Variants in UBAP2 observed in about 807,000 individuals in gnomAD.
UBAP2 encodes ubiquitin-associated protein 2.
UBAP2 carries 75 observed loss-of-function variants against 139.6 expected under a neutral mutation model. The observed-to-expected ratio is 0.54, with a 90% CI of 0.45 to 0.65. The LOEUF (loss-of-function observed/expected upper bound fraction) is 0.65. UBAP2 is among the 30% of genes least tolerant of loss of function. The pLI is 0.00. For synonymous variants in UBAP2, 526 were observed against 526.2 expected (o/e 1.00, Z 0.01); for missense variants, 1,368 against 1,369.6 (o/e 1.00, Z 0.02).
At chr9:33,932,919 C>T (rs904485739) in intron 18 of UBAP2, among the ~76,000 whole-genome samples, 2 of 152,200 alleles carry the variant, frequency 1.3e-5, no homozygotes, top group African/African-American at 4.8e-5. Flanking sequence ...ACACGGTCAT[C>T]CTTGACAATC....
chr9:34,039,149 G>T (rs1826786683), intron 1 of UBAP2, among the ~76,000 whole-genome samples: 1 of 151,740 alleles, frequency 6.6e-6, no homozygotes, highest in Non-Finnish European at 1.5e-5. Flanking sequence ...GGAGGTGGGG[G>T]GCAGCCTCCG....
intron 17 of UBAP2, chr9:33,935,637 A>G (rs1179823552): frequency 6.3e-6 from 4 of 630,244 alleles, no homozygotes; most frequent in Non-Finnish European, 1.1e-5. Context: ...AGAATATGAG[A>G]CCACCACCTC....
At chr9:33,978,345 G>A (rs1820339962) in intron 6 of UBAP2, among the ~76,000 whole-genome samples, 2 of 151,750 alleles carry the variant, frequency 1.3e-5, no homozygotes, top group South Asian at 2.1e-4. Flanking sequence ...GATCACCCTG[G>A]GCAACAGAGC....
chr9:33,978,184 C>T (rs533044513), intron 6 of UBAP2, among the ~76,000 whole-genome samples: 1 of 129,128 alleles, frequency 7.7e-6, no homozygotes, highest in Non-Finnish European at 1.9e-5. Context: ...TTATTAAATG[C>T]TATGTGGAAC....
chr9:33,925,842 G>T (rs991246085), intron 22 of UBAP2, among the ~76,000 whole-genome samples: 1 of 152,238 alleles, frequency 6.6e-6, no homozygotes, highest in African/African-American at 2.4e-5. Context: ...AGCAGAGGTG[G>T]TGTCCAAACT....
At chr9:34,048,143 A>C (rs73482995) in intron 1 of UBAP2, among the ~76,000 whole-genome samples, 1,775 of 152,326 alleles carry the variant, frequency 0.012, 35 homozygotes, top group African/African-American at 0.04. Context: ...CTGAGTTGTA[A>C]TGCACCAATG....
chr9:33,922,404 C>T lies in UBAP2; in HGVS notation c.*100G>A, dbSNP rs1338893613. The stretch of plus-strand genomic sequence containing the variant: ...CCACAGAGGCATGGCTGACACATGT[C>T]GGGAATTCTAGGAAAGGGCACTGGG... On this transcript the variant is annotated 3_prime_UTR_variant, in exon 29 of 29. Coordinates refer to ENST00000379238, the MANE Select transcript of UBAP2 (RefSeq NM_001370062.2). 4.2e-6 allele frequency: 5 copies of T among 1,178,288 alleles called. No individual in the cohort carries two copies. In the African/African-American group the frequency reaches 4.6e-5, roughly 11 times the overall value. The allele number at this position is 1,178,288 out of a possible 1,614,324, so 73.0% of individuals were successfully genotyped here.
At chr9:33,961,390 G>A (rs973506899) in intron 9 of UBAP2, among the ~76,000 whole-genome samples, 2 of 152,124 alleles carry the variant, frequency 1.3e-5, no homozygotes, top group African/African-American at 4.8e-5. Context: ...CTTCCTAATA[G>A]GTCTCCAGCA....
At chr9:34,005,066 C>T (rs1823070873) in intron 2 of UBAP2, among the ~76,000 whole-genome samples, 1 of 151,948 alleles carries the variant, frequency 6.6e-6, no homozygotes, top group South Asian at 2.1e-4. Flanking sequence ...AGTTCAAGAC[C>T]AGCCTGGCCA....
intron 1 of UBAP2, among the ~76,000 whole-genome samples, chr9:34,035,250 C>A (rs1319738692): frequency 2.0e-5 from 3 of 151,852 alleles, no homozygotes; most frequent in Non-Finnish European, 2.9e-5. Context: ...CGCCTGTAAT[C>A]CCAGCACTTT....
At chr9:33,976,980 C>A (rs1368049666) in intron 6 of UBAP2, among the ~76,000 whole-genome samples, 1 of 151,128 alleles carries the variant, frequency 6.6e-6, no homozygotes, top group South Asian at 2.1e-4. Flanking sequence ...CCACTGCACT[C>A]CAGCCTGGGT....
At chr9:33,940,295 G>T (rs185214402) in intron 16 of UBAP2, among the ~76,000 whole-genome samples, 1 of 151,960 alleles carries the variant, frequency 6.6e-6, no homozygotes, top group African/African-American at 2.4e-5. Context: ...TGTGTGTGAG[G>T]GTGTATACAC....
intron 10 of UBAP2, among the ~76,000 whole-genome samples, chr9:33,959,343 A>C (rs78644729): frequency 4.7e-4 from 72 of 152,306 alleles, no homozygotes; most frequent in African/African-American, 1.7e-3. Context: ...TTTCTCATTC[A>C]AAGCAGGTCC....
chr9:34,016,996 T>C (rs1179001701), intron 2 of UBAP2, 54 bp downstream of exon 2: 1 of 1,286,706 alleles, frequency 7.8e-7, no homozygotes, highest in Non-Finnish European at 1.1e-6. Flanking sequence ...ACTTCAAGTA[T>C]AATAATAAAA....
intron 19 of UBAP2, among the ~76,000 whole-genome samples, chr9:33,932,130 C>T (rs1587512418): frequency 6.6e-6 from 1 of 152,150 alleles, no homozygotes; most frequent in Non-Finnish European, 1.5e-5. Context: ...AAAGCTGGCG[C>T]GCCGACTCCA....
At position 33,930,377 on chromosome 9, in the gene UBAP2, G is replaced by A. The variant is rs1823862573; in HGVS notation, c.2175+2185C>T. Among the ~76,000 whole-genome samples the A allele has an allele frequency of 2.7e-5, 4 of 150,138 alleles. No homozygotes were observed. The South Asian group carries it at 6.8e-4, about 26-fold the overall frequency. ...GTTATCAAATGCAACATTCTCTGTG[G>A]TATCAAGACTGAAAACGACCCTAAA... is the stretch of plus-strand genomic sequence containing the variant. On this transcript the variant is annotated intron_variant, in intron 19 of 28. Coordinates refer to ENST00000379238, the MANE Select transcript of UBAP2 (RefSeq NM_001370062.2).
At chr9:33,989,358 C>T (rs886322740) in intron 4 of UBAP2, among the ~76,000 whole-genome samples, 14 of 152,112 alleles carry the variant, frequency 9.2e-5, no homozygotes, top group Admixed American at 3.3e-4. Flanking sequence ...CCTGCCACCA[C>T]GCCCAACTAA....
intron 1 of UBAP2, among the ~76,000 whole-genome samples, chr9:34,036,559 C>T (rs1021327134): frequency 5.9e-5 from 9 of 152,166 alleles, no homozygotes; most frequent in Non-Finnish European, 1.3e-4. Context: ...CCTATACACA[C>T]ATTTAAACTG....
intron 12 of UBAP2, among the ~76,000 whole-genome samples, chr9:33,951,302 G>C (rs1826075028): frequency 6.9e-6 from 1 of 145,820 alleles, no homozygotes; most frequent in Admixed American, 6.9e-5. Context: ...ACAGGGATGA[G>C]CCACCATGCC....
Sources: allele counts gnomAD v4.1 joint callset (sites outside exome capture counted in the v4.1 genomes callset), GRCh38; gene constraint gnomAD v4.1.1; transcripts MANE v1.5; gene names NCBI Gene and HGNC (gene_info 2026-07-23, HGNC 2026-07-21).